Variants in FER observed in about 807,000 individuals in gnomAD.
The protein encoded by FER is tyrosine-protein kinase Fer.
In FER, 63 loss-of-function variants were observed where a neutral mutation model predicts 111.0. The observed-to-expected ratio is 0.57, with a 90% CI of 0.46 to 0.70. The LOEUF is 0.70. Among genes scored for constraint, FER ranks in the 30% least tolerant of loss-of-function variants. The pLI is 0.00. For synonymous variants in FER, 327 were observed against 313.9 expected (o/e 1.04, Z -0.44); for missense variants, 914 against 954.0 (o/e 0.96, Z 0.55).
At chr5:109,091,468 G>A (rs1746747793) in intron 16 of FER, among the ~76,000 whole-genome samples, 1 of 152,146 alleles carries the variant, frequency 6.6e-6, no homozygotes, top group Non-Finnish European at 1.5e-5. Context: ...CAGATTCCAC[G>A]GAGACCCTCA....
intron 10 of FER, among the ~76,000 whole-genome samples, chr5:108,921,238 T>A (rs1332224196): frequency 6.6e-6 from 1 of 152,018 alleles, no homozygotes; most frequent in Non-Finnish European, 1.5e-5. Flanking sequence ...TACTATTTTG[T>A]TGGTTAGAAT....
intron 13 of FER, among the ~76,000 whole-genome samples, chr5:109,029,194 G>A (rs908447046): frequency 4.9e-5 from 7 of 142,720 alleles, no homozygotes; most frequent in African/African-American, 1.8e-4. Context: ...TTTAGTTTTG[G>A]TTTTACCTAC....
intron 16 of FER, among the ~76,000 whole-genome samples, chr5:109,061,393 A>C (rs1774395076): frequency 6.6e-6 from 1 of 152,166 alleles, no homozygotes; most frequent in Non-Finnish European, 1.5e-5. Context: ...AAGCACTTTA[A>C]CATTATGTCA....
At chr5:108,955,447 A>G (rs1482296383) in intron 12 of FER, among the ~76,000 whole-genome samples, 1 of 151,898 alleles carries the variant, frequency 6.6e-6, no homozygotes, top group Non-Finnish European at 1.5e-5. Flanking sequence ...AATAATGAAT[A>G]GAAATTAATG....
In FER at chr5:108,954,722, G is replaced by C; in HGVS notation, c.1330-7G>C. The C allele has an allele frequency of 6.8e-7, 1 of 1,468,984 alleles. No homozygotes were observed. Among genetic ancestry groups the C allele is most frequent in the Non-Finnish European group, 9.0e-7 (1 of 1,105,538 alleles). 91.0% of individuals were successfully genotyped at this position (1,468,984 alleles called of 1,614,324 possible). On this transcript the variant is annotated splice_polypyrimidine_tract_variant and splice_region_variant and intron_variant, in intron 11 of 19. Coordinates refer to ENST00000281092, the MANE Select transcript of FER (RefSeq NM_005246.4). ...ATTTAGTTTTTTTTTTTTAATATTT[G>C]TTTAAGCTTTCTGATATGATCTCCA...
At chr5:109,027,653 C>G (rs995848204) in intron 13 of FER, among the ~76,000 whole-genome samples, 17 of 152,212 alleles carry the variant, frequency 1.1e-4, no homozygotes, top group African/African-American at 4.1e-4. Flanking sequence ...AGAGATTTGG[C>G]AGCGGTTGAT....
intron 11 of FER, among the ~76,000 whole-genome samples, chr5:108,954,515 T>C (rs1758174126): frequency 6.6e-6 from 1 of 152,072 alleles, no homozygotes; most frequent in Non-Finnish European, 1.5e-5. Context: ...TCTACCTTTG[T>C]ATGATAGATA....
intron 10 of FER, among the ~76,000 whole-genome samples, chr5:108,940,413 C>T (rs1756094932): frequency 6.6e-6 from 1 of 151,966 alleles, no homozygotes. Flanking sequence ...CACAAGAGAC[C>T]ATCATTTCTT....
chr5:108,924,409 A>G (rs893056776), intron 10 of FER, among the ~76,000 whole-genome samples: 10 of 150,788 alleles, frequency 6.6e-5, no homozygotes, highest in African/African-American at 2.4e-4. Flanking sequence ...TTTATTTCTT[A>G]GATAGTGTTT....
At position 109,192,842 on chromosome 5, in the gene FER, A is replaced by G. The variant is rs1037626010; in HGVS notation, c.*5267A>G. Reference sequence around the variant, plus strand: ...TTCAACAGAGAAATGGAAGAATACAAGTAGCAATGTTCCTTGTCTTCAATA... The same window carrying G: ...TTCAACAGAGAAATGGAAGAATACAGGTAGCAATGTTCCTTGTCTTCAATA... On this transcript the variant is annotated 3_prime_UTR_variant, in exon 20 of 20. Coordinates refer to ENST00000281092, the MANE Select transcript of FER (RefSeq NM_005246.4). 2.0e-5 allele frequency: 3 copies of G among 152,158 alleles called. No individual in the cohort carries two copies. The highest frequency in any genetic ancestry group is 7.2e-5 in the African/African-American group (3 of 41,442). The allele number at this position is 152,158 out of a possible 1,614,324, so 9.4% of individuals were successfully genotyped here.
rs563758013 is a variant in FER, at chr5:109,000,128, T to C, written c.1657-37294T>C. Among the ~76,000 whole-genome samples, 13 of 151,942 alleles carry C rather than the reference T, an allele frequency of 8.6e-5. No individual in the cohort carries two copies. In the East Asian group the frequency reaches 2.5e-3, roughly 29 times the overall value. On this transcript the variant is annotated intron_variant, in intron 13 of 19. Transcript: ENST00000281092. Reference sequence around the variant, plus strand: ...ATTTACTGGTTAATGTTGACCTTTTTTTCATAAAGATGATATATAATATAT... The same window carrying C: ...ATTTACTGGTTAATGTTGACCTTTTCTTCATAAAGATGATATATAATATAT...
At chr5:109,146,253 A>AATATATATATATTATCTATATATAT (rs1754140325) in intron 17 of FER, among the ~76,000 whole-genome samples, 1 of 42,130 alleles carries the variant, frequency 2.4e-5, no homozygotes, top group African/African-American at 9.1e-5. Flanking sequence ...TAATCTATCT[A>AATATATATATATTATCTATATATAT]ATATATATAT....
Position 109,037,303 on chromosome 5 carries a change from T to C in FER, c.1657-119T>C, listed in dbSNP as rs566333016. ...TTGGGGTTATAACTTCTCAGTGTGCTGTTGATTGAATGGTCTGAATGAAAT... is the reference window on the plus strand; with the variant it reads ...TTGGGGTTATAACTTCTCAGTGTGCCGTTGATTGAATGGTCTGAATGAAAT... On this transcript the variant is annotated intron_variant, in intron 13 of 19. Coordinates refer to ENST00000281092, the MANE Select transcript of FER (RefSeq NM_005246.4). The C allele has an allele frequency of 2.0e-4, 144 of 730,666 alleles. No homozygotes were observed. The African/African-American group carries it at 2.5e-3, about 12-fold the overall frequency. The allele number at this position is 730,666 out of a possible 1,614,324, so 45.3% of individuals were successfully genotyped here. A position where few individuals can be genotyped will look rare whatever the true frequency, so the allele number is the denominator to read the frequency against.
At chr5:109,116,261 T>C (rs1329850521) in intron 17 of FER, among the ~76,000 whole-genome samples, 1 of 152,082 alleles carries the variant, frequency 6.6e-6, no homozygotes, top group African/African-American at 2.4e-5. Flanking sequence ...GCCAGTTTTC[T>C]TTACCGATAG....
chr5:109,040,925 G>A (rs1319517298), intron 14 of FER, among the ~76,000 whole-genome samples: 2 of 152,064 alleles, frequency 1.3e-5, no homozygotes, highest in African/African-American at 4.8e-5. Context: ...GAGGAAAATT[G>A]GTAGGTGGGT....
intron 2 of FER, among the ~76,000 whole-genome samples, chr5:108,790,085 G>T (rs984477790): frequency 1.3e-5 from 2 of 152,054 alleles, no homozygotes; most frequent in Non-Finnish European, 2.9e-5. Context: ...CAGCTACTTG[G>T]AAGGCCGAGG....
intron 13 of FER, chr5:109,014,974 G>T (rs1486710471): frequency 2.6e-5 from 4 of 151,892 alleles, no homozygotes; most frequent in Non-Finnish European, 5.9e-5. Context: ...TCTTAATGTT[G>T]ATTTTTTTTA....
At chr5:109,002,942 G>T (rs940782924) in intron 13 of FER, among the ~76,000 whole-genome samples, 1 of 152,126 alleles carries the variant, frequency 6.6e-6, no homozygotes, top group African/African-American at 2.4e-5. Flanking sequence ...TTAGAATGGC[G>T]ATCATTAAAA....
chr5:108,795,640 A>T (rs187975894), intron 2 of FER, among the ~76,000 whole-genome samples: 16 of 152,214 alleles, frequency 1.1e-4, no homozygotes, highest in Non-Finnish European at 1.8e-4. Flanking sequence ...CGATTCTGAT[A>T]TTAAGAGACA....
Sources: allele counts gnomAD v4.1 joint callset (sites outside exome capture counted in the v4.1 genomes callset), GRCh38; gene constraint gnomAD v4.1.1; transcripts MANE v1.5; gene names NCBI Gene and HGNC (gene_info 2026-07-23, HGNC 2026-07-21).